Variants in KIRREL3 observed in about 807,000 individuals in gnomAD.
KIRREL3 encodes the protein kin of IRRE-like protein 3.
Under a neutral mutation model 89.7 loss-of-function variants are expected in KIRREL3, and 36 were observed. The ratio of observed to expected loss-of-function variants is 0.40; its 90% CI spans 0.31 to 0.53. The LOEUF (loss-of-function observed/expected upper bound fraction) is 0.53, where lower values mean the gene tolerates loss of function less well. KIRREL3 is among the 20% of genes least tolerant of loss of function. The pLI, the probability that KIRREL3 is intolerant of heterozygous loss-of-function variation, is 0.49. For synonymous variants in KIRREL3, 445 were observed against 441.4 expected, an observed-to-expected ratio of 1.01 and a Z score of -0.10; for missense variants, 864 against 1,056.6, an observed-to-expected ratio of 0.82 and a Z score of 2.53.
chr11:126,463,170 G>T lies in KIRREL3; in HGVS notation c.729C>A (p.Thr243=). The change falls in exon 6 of 17, where the codon ACC becomes ACA. Residue 243 remains threonine (T), a synonymous_variant. Coordinates refer to ENST00000525144, the MANE Select transcript of KIRREL3 (RefSeq NM_032531.4). This position sits in a 1 kb window ranked among gnomAD's most constrained non-coding sequence, Gnocchi z 5.9. ...GTGGGTACTCACGCTGGATGTCAAT[G>T]GTGACCGACGTCTCCTTTCCTCCGG... is the stretch of plus-strand genomic sequence containing the variant. ...AIPGGKETSV[T]IDIQHPPLVN... is the part of the protein sequence containing the mutation. 6.2e-7 allele frequency: 1 copy of T among 1,613,380 alleles called. No homozygotes were observed. Among genetic ancestry groups the T allele is most frequent in the South Asian group, 1.1e-5 (1 of 91,034 alleles).
rs973239950 is a variant in KIRREL3, at chr11:126,458,027, C to A, written c.743-1573G>T. On this transcript the variant is annotated intron_variant, in intron 6 of 16. Transcript: ENST00000525144. ...TCCTGGTGGCCCCCAGGCCTCGGCA[C>A]CCCCGGGGCATCCACACGCCGAGGG... 2.0e-5 allele frequency among the ~76,000 whole-genome samples: 3 copies of A among 152,024 alleles called. No homozygotes were observed. The East Asian group carries it at 5.8e-4, about 30-fold the overall frequency.
At chr11:126,510,081 G>C (rs1355411534) in intron 4 of KIRREL3, among the ~76,000 whole-genome samples, 1 of 151,824 alleles carries the variant, frequency 6.6e-6, no homozygotes, top group African/African-American at 2.4e-5. Context: ...TTTGGATCTG[G>C]GCTAATATTT....
intron 1 of KIRREL3, among the ~76,000 whole-genome samples, chr11:126,945,422 A>T (rs1948593295): frequency 6.6e-6 from 1 of 152,154 alleles, no homozygotes. Flanking sequence ...TCACTCCTTT[A>T]AAGAGAAATC....
chr11:126,968,313 G>A (rs1007308990), intron 1 of KIRREL3, among the ~76,000 whole-genome samples: 3 of 152,050 alleles, frequency 2.0e-5, no homozygotes, highest in Non-Finnish European at 4.4e-5. Flanking sequence ...CCAGATGTAG[G>A]CAATAACCAG....
In KIRREL3 at chr11:126,704,887, A is replaced by G. The variant is rs2134127639; in HGVS notation, c.56-141975T>C. On this transcript the variant is annotated intron_variant, in intron 1 of 16. Coordinates refer to ENST00000525144, the MANE Select transcript of KIRREL3 (RefSeq NM_032531.4). The surrounding 1 kb of genome is among the most constrained non-coding windows in gnomAD (Gnocchi z 4.2). The stretch of plus-strand genomic sequence containing the variant: ...AGGGAAGCAGTATTCTCCTCCTGCG[A>G]CCATGCCATGGGATGAAAGCCTCTG... Among the ~76,000 whole-genome samples the G allele has an allele frequency of 6.6e-6, 1 of 152,284 alleles. No individual in the cohort carries two copies. The highest frequency in any genetic ancestry group is 6.5e-5 in the Admixed American group (1 of 15,298).
intron 1 of KIRREL3, among the ~76,000 whole-genome samples, chr11:126,792,664 A>G (rs1240595075): frequency 6.6e-6 from 1 of 152,378 alleles, no homozygotes; most frequent in African/African-American, 2.4e-5. Flanking sequence ...GAGAATAGAT[A>G]TATAAATTAT....
intron 1 of KIRREL3, among the ~76,000 whole-genome samples, chr11:126,580,836 G>GTTTTTTTTTTTT (rs58691243): frequency 2.8e-5 from 4 of 140,812 alleles, no homozygotes; most frequent in African/African-American, 2.7e-5. Context: ...GGAATTTCCT[G>GTTTTTTTTTTTT]TTTTTTTTTT....
At chr11:126,738,594 T>C (rs1948881941) in intron 1 of KIRREL3, among the ~76,000 whole-genome samples, 1 of 152,210 alleles carries the variant, frequency 6.6e-6, no homozygotes, top group African/African-American at 2.4e-5. Flanking sequence ...TGGTAATTAA[T>C]AGCACTTAAT....
In KIRREL3 at chr11:126,508,545, G is replaced by C. The variant is rs930376726; in HGVS notation, c.433+12770C>G. 1.3e-5 allele frequency among the ~76,000 whole-genome samples: 2 copies of C among 152,166 alleles called. No individual in the cohort carries two copies. The highest frequency in any genetic ancestry group is 2.4e-5 in the African/African-American group (1 of 41,450). ...TCCATGAGCCCTGGGATGGTGGAAGGGTTCAAGCAGGGCTCCTGGAGTTCC... is the reference window on the plus strand; with the variant it reads ...TCCATGAGCCCTGGGATGGTGGAAGCGTTCAAGCAGGGCTCCTGGAGTTCC... On this transcript the variant is annotated intron_variant, in intron 4 of 16. Transcript: ENST00000525144. This position sits in a 1 kb window ranked among gnomAD's most constrained non-coding sequence, Gnocchi z 4.9.
intron 1 of KIRREL3, among the ~76,000 whole-genome samples, chr11:126,592,343 T>G (rs1200745480): frequency 6.6e-6 from 1 of 152,212 alleles, no homozygotes; most frequent in Non-Finnish European, 1.5e-5. Flanking sequence ...TAGGTCTGAA[T>G]CCTTATAACA....
chr11:126,787,176 C>G (rs1240176101), intron 1 of KIRREL3, among the ~76,000 whole-genome samples: 1 of 152,078 alleles, frequency 6.6e-6, no homozygotes, highest in East Asian at 1.9e-4. Flanking sequence ...GAACACCTGA[C>G]AGAATGATGA....
At chr11:126,737,590 T>C (rs1948846155) in intron 1 of KIRREL3, among the ~76,000 whole-genome samples, 1 of 152,168 alleles carries the variant, frequency 6.6e-6, no homozygotes, top group Admixed American at 6.5e-5. Context: ...GTAATACCCG[T>C]GCTGGATAAA....
At chr11:126,853,958 C>A (rs555979765) in intron 1 of KIRREL3, among the ~76,000 whole-genome samples, 1 of 152,214 alleles carries the variant, frequency 6.6e-6, no homozygotes, top group South Asian at 2.1e-4. Context: ...AATTATTCAA[C>A]CCTTTGCATC....
intron 1 of KIRREL3, among the ~76,000 whole-genome samples, chr11:126,825,553 T>C (rs1943376535): frequency 6.6e-6 from 1 of 152,192 alleles, no homozygotes; most frequent in Non-Finnish European, 1.5e-5. Flanking sequence ...GATCTGAATA[T>C]ACCTGAGATT....
rs1944124094 is a variant in KIRREL3 at position 126,845,929 on chromosome 11, C to A, written c.55+154526G>T. ...GGAAAAACAGAGGAGGTACCACAGA[C>A]CTTGTTTGGGGGGAAAAAACACACA... On this transcript the variant is annotated intron_variant, in intron 1 of 16. Coordinates refer to ENST00000525144, the MANE Select transcript of KIRREL3 (RefSeq NM_032531.4). 3.3e-5 allele frequency among the ~76,000 whole-genome samples: 5 copies of A among 152,056 alleles called. No individual in the cohort carries two copies. In the South Asian group the frequency reaches 1.0e-3, roughly 32 times the overall value.
Position 126,797,685 on chromosome 11 carries a change from T to G in KIRREL3, c.55+202770A>C, listed in dbSNP as rs554961743. On this transcript the variant is annotated intron_variant, in intron 1 of 16. Transcript: ENST00000525144. This position sits in a 1 kb window ranked among gnomAD's most constrained non-coding sequence, Gnocchi z 4.9. ...GCATCCAAGCACAATCAGCACTGGG[T>G]CGATGTATATGAGGAAAGCACAGAA... 6.6e-6 allele frequency among the ~76,000 whole-genome samples: 1 copy of G among 152,080 alleles called. No homozygotes were observed. Among genetic ancestry groups the G allele is most frequent in the South Asian group, 2.1e-4 (1 of 4,776 alleles).
At position 126,734,462 on chromosome 11, in the gene KIRREL3, G is replaced by A. The variant is rs1042602700; in HGVS notation, c.56-171550C>T. ...GTGGATCACCTGAGGTCAGGAGTTCGAGACCAGCCTGACCAACATGGAGAA... is the reference window on the plus strand; with the variant it reads ...GTGGATCACCTGAGGTCAGGAGTTCAAGACCAGCCTGACCAACATGGAGAA... On this transcript the variant is annotated intron_variant, in intron 1 of 16. Transcript: ENST00000525144. This position sits in a 1 kb window ranked among gnomAD's most constrained non-coding sequence, Gnocchi z 5.9. Among the ~76,000 whole-genome samples the A allele has an allele frequency of 1.3e-5, 2 of 152,072 alleles. No individual in the cohort carries two copies. The highest frequency in any genetic ancestry group is 6.5e-5 in the Admixed American group (1 of 15,268).
At position 126,912,768 on chromosome 11, in the gene KIRREL3, C is replaced by A. The variant is rs773353959; in HGVS notation, c.55+87687G>T. 5.3e-5 allele frequency among the ~76,000 whole-genome samples: 8 copies of A among 152,236 alleles called. No individual in the cohort carries two copies. The highest frequency in any genetic ancestry group is 9.6e-5 in the African/African-American group (4 of 41,468). On this transcript the variant is annotated intron_variant, in intron 1 of 16. Transcript: ENST00000525144. This position sits in a 1 kb window ranked among gnomAD's most constrained non-coding sequence, Gnocchi z 4.7. ...CTAATTACCAGCCTCTCCTTCCATTCCTGCTGGCATGGCAGGTGAAGTATA... is the reference window on the plus strand; with the variant it reads ...CTAATTACCAGCCTCTCCTTCCATTACTGCTGGCATGGCAGGTGAAGTATA...
intron 1 of KIRREL3, among the ~76,000 whole-genome samples, chr11:126,586,454 G>T (rs1268283291): frequency 6.6e-6 from 1 of 151,970 alleles, no homozygotes; most frequent in Admixed American, 6.6e-5. Flanking sequence ...ACTCACAGGA[G>T]CACTGCTGCC....
Sources: gnomAD v4.1 joint callset for allele counts (sites outside exome capture counted in the v4.1 genomes callset) on GRCh38, gnomAD v4.1.1 for gene constraint, Gnocchi (gnomAD v3.1) non-coding constraint, MANE v1.5 for transcripts, NCBI Gene and HGNC (gene_info 2026-07-23, HGNC 2026-07-21) for gene names.